The following WDR27 variants were observed in gnomAD, a reference collection of about 807,000 sequenced individuals.
The protein encoded by WDR27 is WD repeat domain 27.
A neutral mutation model predicts 114.4 loss-of-function variants in WDR27; 100 were observed. That is an observed-to-expected ratio of 0.87 (90% CI 0.74 to 1.03). The LOEUF (loss-of-function observed/expected upper bound fraction) is 1.03. WDR27 is among the 50% of genes least tolerant of loss of function. WDR27 has a pLI of 0.00. For synonymous variants in WDR27, 449 were observed against 423.1 expected, an observed-to-expected ratio of 1.06 and a Z score of -0.75; for missense variants, 1,129 against 1,092.9, an observed-to-expected ratio of 1.03 and a Z score of -0.47.
chr6:169,545,969 T>C (rs1797413288), intron 25 of WDR27, among the ~76,000 whole-genome samples: 1 of 151,754 alleles, frequency 6.6e-6, no homozygotes, highest in African/African-American at 2.4e-5. Context: ...TGAACAGATA[T>C]TCTATAAGCC....
intron 8 of WDR27, 99 bp downstream of exon 8, chr6:169,664,067 G>T: frequency 1.7e-6 from 2 of 1,144,430 alleles, no homozygotes; most frequent in Non-Finnish European, 2.4e-6. Flanking sequence ...CCTACATTGG[G>T]ATCTCTCTCT....
rs1415955831 is a variant in WDR27, at chr6:169,666,651, C to T, written c.712+485G>A. On this transcript the variant is annotated intron_variant, in intron 6 of 25. Coordinates refer to ENST00000448612, the MANE Select transcript of WDR27 (RefSeq NM_182552.5). ...TAGCTGTGTGGCCGTGTGCCAGCTT[C>T]ATTTACCAACAGAAAGCCATCTGAG... The T allele has an allele frequency of 4.1e-6, 4 of 985,772 alleles. No homozygotes were observed. The African/African-American group carries it at 7.0e-5, about 17-fold the overall frequency. The allele number at this position is 985,772 out of a possible 1,614,324, so 61.1% of individuals were successfully genotyped here. A position where few individuals can be genotyped will look rare whatever the true frequency, so the allele number is the denominator to read the frequency against.
At chr6:169,443,008 A>G in the WDR27 span, among the ~76,000 whole-genome samples, 2 of 152,254 alleles carry the variant, frequency 1.3e-5, no homozygotes, top group African/African-American at 4.8e-5. Flanking sequence ...AGGAGACCAC[A>G]TTCCAAAAGA....
At chr6:169,551,572 TAAAAATA>T (rs2128103544) in intron 25 of WDR27, among the ~76,000 whole-genome samples, 1 of 151,632 alleles carries the variant, frequency 6.6e-6, no homozygotes, top group South Asian at 2.1e-4. Flanking sequence ...CTGTCTCTAC[TAAAAATA>T]CAAAAAAATT....
chr6:169,678,618 T>C (rs1052032759), intron 2 of WDR27, among the ~76,000 whole-genome samples: 1 of 152,202 alleles, frequency 6.6e-6, no homozygotes, highest in Non-Finnish European at 1.5e-5. Flanking sequence ...TTTTTTTTTA[T>C]CTTGCCCAAA....
rs1489165835 is a variant in WDR27 at position 169,684,780 on chromosome 6, GC to G, written c.189+4036del. Among the ~76,000 whole-genome samples the G allele has an allele frequency of 6.6e-6, 1 of 152,206 alleles. No individual in the cohort carries two copies. Among genetic ancestry groups the G allele is most frequent in the African/African-American group, 2.4e-5 (1 of 41,448 alleles). On this transcript the variant is annotated intron_variant, in intron 2 of 25. Transcript: ENST00000448612. The surrounding 1 kb of genome is among the most constrained non-coding windows in gnomAD (Gnocchi z 4.3). Reference sequence around the variant, plus strand: ...GGGCATGCCCGCAGCCAGCTGAGCAGCCTTGTGCCTACGTCCAATGCTGGAG... The same window carrying G: ...GGGCATGCCCGCAGCCAGCTGAGCAGCTTGTGCCTACGTCCAATGCTGGAG...
rs759392689 is a variant in WDR27 at position 169,647,786 on chromosome 6, G to A, written c.1644C>T (p.Cys548=). 24 of 1,582,362 alleles carry A rather than the reference G, an allele frequency of 1.5e-5. No homozygotes were observed. Among genetic ancestry groups the A allele is most frequent in the Non-Finnish European group, 2.0e-5 (23 of 1,164,460 alleles). Reference sequence around the variant, plus strand: ...GACGTGGCGCACCTGAGTACTGGATGCAGCATACACGTGTGCAGGTGGGGG... The same window carrying A: ...GACGTGGCGCACCTGAGTACTGGATACAGCATACACGTGTGCAGGTGGGGG... ...AAAPTCTRVC[C]IQYSGDGQWL... Residue 548 remains cysteine (C), a synonymous_variant, in exon 16 of 26, where the codon TGC becomes TGT. Coordinates refer to ENST00000448612, the MANE Select transcript of WDR27 (RefSeq NM_182552.5).
At chr6:169,468,008 G>T (rs754409377) in intron 25 of WDR27, among the ~76,000 whole-genome samples, 1 of 152,076 alleles carries the variant, frequency 6.6e-6, no homozygotes, top group Non-Finnish European at 1.5e-5. Flanking sequence ...AACTTCTTCC[G>T]CCAGATACCC....
At chr6:169,570,187 G>A (rs1801155238) in intron 25 of WDR27, among the ~76,000 whole-genome samples, 1 of 152,196 alleles carries the variant, frequency 6.6e-6, no homozygotes, top group Non-Finnish European at 1.5e-5. Context: ...GGAAACCACA[G>A]GTGCTCTTCA....
At chr6:169,461,581 G>C (rs1219041336) in intron 25 of WDR27, among the ~76,000 whole-genome samples, 1 of 149,866 alleles carries the variant, frequency 6.7e-6, no homozygotes, top group Non-Finnish European at 1.5e-5. Flanking sequence ...AACACACCAT[G>C]CAAAAAATCT....
chr6:169,455,570 ACCACCTACTC>A (rs1784316200), downstream of WDR27, among the ~76,000 whole-genome samples: 1 of 152,224 alleles, frequency 6.6e-6, no homozygotes, highest in Non-Finnish European at 1.5e-5. Flanking sequence ...CACTCACAGC[ACCACCTACTC>A]CTCCTCTGAG....
Position 169,636,388 on chromosome 6 carries a change from G to T in WDR27, c.1986C>A (p.Cys662Ter). ...GTGCCTACCTCTTAATCTCATCTTT[G>T]CAAGTGTCAATGTGATACCTCAGTA... is the stretch of plus-strand genomic sequence containing the variant. The part of the protein sequence containing the change: ...FQLLRYHIDT[C>*]KDEIKRYKQK... The change falls in exon 19 of 26, where the codon TGC (cysteine) becomes TGA (stop). Residue 662 changes from cysteine (C) to a stop codon, truncating the protein, a stop_gained. Coordinates refer to ENST00000448612, the MANE Select transcript of WDR27 (RefSeq NM_182552.5). LOFTEE classifies it high-confidence loss of function. 1 of 1,613,806 alleles carries T rather than the reference G, an allele frequency of 6.2e-7. No individual in the cohort carries two copies. The highest frequency in any genetic ancestry group is 1.1e-5 in the South Asian group (1 of 91,048).
chr6:169,502,434 T>C (rs978224547), intron 25 of WDR27, among the ~76,000 whole-genome samples: 15 of 152,190 alleles, frequency 9.9e-5, no homozygotes, highest in African/African-American at 3.6e-4. Context: ...AAAAATTTCC[T>C]TAAACTTAGT....
At chr6:169,566,653 G>A (rs1800549364) in intron 25 of WDR27, among the ~76,000 whole-genome samples, 1 of 137,310 alleles carries the variant, frequency 7.3e-6, no homozygotes, top group South Asian at 2.6e-4. Context: ...GCCTGTTGGA[G>A]TTGAGGCAAC....
chr6:169,654,821 G>A (rs576845347), intron 13 of WDR27, among the ~76,000 whole-genome samples: 2 of 152,070 alleles, frequency 1.3e-5, no homozygotes, highest in South Asian at 2.1e-4. Flanking sequence ...GAGGAGGGGC[G>A]CTCAGAAGGA....
At chr6:169,457,730 T>C in intron 25 of WDR27, 96 bp from the exon 26 acceptor site, 1 of 911,378 alleles carries the variant, frequency 1.1e-6, no homozygotes, top group Non-Finnish European at 1.7e-6. Flanking sequence ...ATTTTCCTTA[T>C]TTTTAATGTT....
chr6:169,552,997 T>C (rs1420573654), intron 25 of WDR27, among the ~76,000 whole-genome samples: 1 of 124,328 alleles, frequency 8.0e-6, no homozygotes, highest in Non-Finnish European at 1.7e-5. Context: ...TGTGTGTGTG[T>C]GTGTGTGTGT....
chr6:169,457,525 A>T lies in WDR27; in HGVS notation c.*67T>A. 7.2e-7 allele frequency: 1 copy of T among 1,384,374 alleles called. No individual in the cohort carries two copies. Among genetic ancestry groups the T allele is most frequent in the Non-Finnish European group, 9.8e-7 (1 of 1,017,618 alleles). The allele number at this position is 1,384,374 out of a possible 1,614,324, so 85.8% of individuals were successfully genotyped here. A position where few individuals can be genotyped will look rare whatever the true frequency, so the allele number is the denominator to read the frequency against. Reference sequence around the variant, plus strand: ...CTGGCCCCCTGATGGATGAACCACTACTTCTTACTTTTAAGTTGTTCCTCA... The same window carrying T: ...CTGGCCCCCTGATGGATGAACCACTTCTTCTTACTTTTAAGTTGTTCCTCA... On this transcript the variant is annotated 3_prime_UTR_variant, in exon 26 of 26. Transcript: ENST00000448612.
intron 25 of WDR27, among the ~76,000 whole-genome samples, chr6:169,471,673 C>G (rs1464064656): frequency 1.3e-5 from 2 of 152,146 alleles, no homozygotes; most frequent in Admixed American, 6.5e-5. Flanking sequence ...TTGGCTTTTC[C>G]AAAATTGTCA....
Sources: allele counts gnomAD v4.1 joint callset (sites outside exome capture counted in the v4.1 genomes callset), GRCh38; gene constraint gnomAD v4.1.1; non-coding constraint Gnocchi (gnomAD v3.1); transcripts MANE v1.5; gene names NCBI Gene and HGNC (gene_info 2026-07-23, HGNC 2026-07-21).